SAMD12: variants seen among roughly 807,000 people sequenced by gnomAD.
SAMD12 encodes the protein sterile alpha motif domain containing 12.
Under a neutral mutation model 15.0 loss-of-function variants are expected in SAMD12, and 9 were observed. The ratio of observed to expected loss-of-function variants is 0.60; its 90% CI spans 0.36 to 1.05. The LOEUF (loss-of-function observed/expected upper bound fraction) is 1.05, where lower values mean the gene tolerates loss of function less well. SAMD12 is among the 50% of genes least tolerant of loss of function. SAMD12 has a pLI of 0.01. For synonymous variants in SAMD12, 86 were observed against 90.1 expected (o/e 0.96, Z 0.25); for missense variants, 230 against 234.2 (o/e 0.98, Z 0.12).
chr8:118,382,919 G>T (rs141057265), intron 3 of SAMD12, among the ~76,000 whole-genome samples: 1 of 152,106 alleles, frequency 6.6e-6, no homozygotes, highest in East Asian at 1.9e-4. Flanking sequence ...CCGATTCACG[G>T]TCTTCTTTGG....
chr8:118,362,302 T>A (rs908787415), intron 4 of SAMD12, among the ~76,000 whole-genome samples: 1 of 152,108 alleles, frequency 6.6e-6, no homozygotes, highest in African/African-American at 2.4e-5. Flanking sequence ...AAAACAAATA[T>A]CCAAGTGTTA....
At chr8:118,471,753 T>C (rs532730081) in intron 2 of SAMD12, among the ~76,000 whole-genome samples, 1 of 152,264 alleles carries the variant, frequency 6.6e-6, no homozygotes, top group African/African-American at 2.4e-5. Flanking sequence ...TTGGTGGTGG[T>C]GATGGCAATA....
At chr8:118,447,345 C>A (rs1822945543) in intron 2 of SAMD12, among the ~76,000 whole-genome samples, 1 of 151,944 alleles carries the variant, frequency 6.6e-6, no homozygotes, top group African/African-American at 2.4e-5. Flanking sequence ...CTCTGTCACC[C>A]AGGCTGGAGT....
chr8:118,386,632 A>G (rs1819979022), intron 3 of SAMD12, among the ~76,000 whole-genome samples: 1 of 152,224 alleles, frequency 6.6e-6, no homozygotes, highest in South Asian at 2.1e-4. Flanking sequence ...GAAGTGAGGC[A>G]CAGAGAAAGT....
At chr8:118,158,175 T>A in the SAMD12 span, among the ~76,000 whole-genome samples, 1 of 152,182 alleles carries the variant, frequency 6.6e-6, no homozygotes, top group Non-Finnish European at 1.5e-5. Context: ...ATCTTGCATA[T>A]TCACCTAAGT....
intron 2 of SAMD12, among the ~76,000 whole-genome samples, chr8:118,561,166 T>G (rs188686004): frequency 7.9e-5 from 12 of 152,138 alleles, no homozygotes; most frequent in South Asian, 2.1e-4. Flanking sequence ...GGAAACAGAC[T>G]AAAAATGAAC....
At chr8:118,561,459 T>C (rs1268298354) in intron 2 of SAMD12, among the ~76,000 whole-genome samples, 1 of 152,190 alleles carries the variant, frequency 6.6e-6, no homozygotes, top group Non-Finnish European at 1.5e-5. Flanking sequence ...CTGAGTAATT[T>C]AAAAAGGAAA....
intron 2 of SAMD12, among the ~76,000 whole-genome samples, chr8:118,562,069 C>T (rs775318982): frequency 3.3e-5 from 5 of 152,134 alleles, no homozygotes; most frequent in African/African-American, 9.7e-5. Context: ...CAGAGAATGA[C>T]GAGATGGATG....
intron 2 of SAMD12, among the ~76,000 whole-genome samples, chr8:118,480,231 A>G (rs1824087739): frequency 6.6e-6 from 1 of 152,194 alleles, no homozygotes; most frequent in African/African-American, 2.4e-5. Context: ...GCAGTGGGTG[A>G]CCACAGTATG....
At chr8:118,170,790 C>T in the SAMD12 span, among the ~76,000 whole-genome samples, 307 of 151,702 alleles carry the variant, frequency 2.0e-3, no homozygotes, top group African/African-American at 7.2e-3. Context: ...TTGAATAGAA[C>T]AATGTAAGTA....
At chr8:118,211,996 A>T (rs1390540043) in intron 4 of SAMD12, among the ~76,000 whole-genome samples, 2 of 152,130 alleles carry the variant, frequency 1.3e-5, no homozygotes, top group African/African-American at 2.4e-5. Flanking sequence ...TTTAAGTTCT[A>T]TGAGCCATCT....
intron 4 of SAMD12, among the ~76,000 whole-genome samples, chr8:118,248,068 C>T (rs1035093870): frequency 3.3e-5 from 5 of 151,976 alleles, no homozygotes; most frequent in South Asian, 4.1e-4. Flanking sequence ...TAATTGAAAT[C>T]GTTGTAAAAG....
the SAMD12 span, among the ~76,000 whole-genome samples, chr8:118,152,500 C>CTTCT: frequency 5.7e-5 from 7 of 122,522 alleles, no homozygotes; most frequent in African/African-American, 2.1e-4. Context: ...TCCTTCCTTC[C>CTTCT]TTCTTCCTTC....
intron 4 of SAMD12, among the ~76,000 whole-genome samples, chr8:118,300,699 G>A (rs372275021): frequency 5.9e-5 from 9 of 152,182 alleles, no homozygotes; most frequent in Admixed American, 3.3e-4. Flanking sequence ...CCCTTCAGGC[G>A]ATTCCAATGT....
intron 4 of SAMD12, among the ~76,000 whole-genome samples, chr8:118,228,241 G>A (rs557010635): frequency 1.3e-5 from 2 of 152,238 alleles, no homozygotes; most frequent in African/African-American, 4.8e-5. Flanking sequence ...TCATGACCAA[G>A]AACCCAAAAG....
intron 3 of SAMD12, among the ~76,000 whole-genome samples, chr8:118,388,923 T>C (rs1202403852): frequency 6.6e-6 from 1 of 152,144 alleles, no homozygotes; most frequent in Non-Finnish European, 1.5e-5. Flanking sequence ...GAAAGAACAT[T>C]ATTTGGTTTC....
the SAMD12 span, among the ~76,000 whole-genome samples, chr8:118,133,008 AT>A: frequency 2.8e-5 from 3 of 106,812 alleles, no homozygotes; most frequent in South Asian, 8.6e-4. Context: ...ATATATATAT[AT>A]ATATATATAT....
At chr8:118,282,210 C>A in intron 4 of SAMD12, 4 of 437,606 alleles carry the variant, frequency 9.1e-6, no homozygotes, top group Admixed American at 5.2e-5. Context: ...GAGGGGAAAT[C>A]TGGGTTTGGA....
intron 4 of SAMD12, among the ~76,000 whole-genome samples, chr8:118,366,997 G>T (rs185110034): frequency 2.4e-4 from 36 of 152,048 alleles, no homozygotes; most frequent in Non-Finnish European, 4.6e-4. Flanking sequence ...CTTTATTCTT[G>T]TCTGGGGCTC....
Sources: gnomAD v4.1 joint callset for allele counts (sites outside exome capture counted in the v4.1 genomes callset) on GRCh38, gnomAD v4.1.1 for gene constraint, MANE v1.5 for transcripts, NCBI Gene and HGNC (gene_info 2026-07-23, HGNC 2026-07-21) for gene names.